OR56A3: variants seen among roughly 807,000 people sequenced by gnomAD.
OR56A3 encodes olfactory receptor family 56 subfamily A member 3.
A neutral mutation model predicts 17.5 loss-of-function variants in OR56A3; 23 were observed. That is an observed-to-expected ratio of 1.32 (90% CI 0.95 to 1.87). The LOEUF is 1.87. OR56A3 is among the 40% of genes most tolerant of loss of function. The probability of loss-of-function intolerance (pLI) is 0.00; values close to 1 mark genes in which losing one functional copy is unlikely to be tolerated. For missense variants in OR56A3, 366 were observed against 380.1 expected, an observed-to-expected ratio of 0.96 and a Z score of 0.31; for synonymous variants, 175 against 150.6, an observed-to-expected ratio of 1.16 and a Z score of -1.19.
the OR56A3 span, chr11:5,968,122 G>A: frequency 3.0e-5 from 48 of 1,614,134 alleles, no homozygotes; most frequent in Middle Eastern, 1.6e-4. Flanking sequence ...GCCACATAGC[G>A]GTCATAGGCC....
chr11:5,950,607 T>C lies in OR56A3; in HGVS notation c.*2313T>C, dbSNP rs999977783. 2.0e-5 allele frequency: 3 copies of C among 152,256 alleles called. No individual in the cohort carries two copies. The highest frequency in any genetic ancestry group is 4.1e-4 in the South Asian group (2 of 4,830). The allele number at this position is 152,256 out of a possible 1,614,324, so 9.4% of individuals were successfully genotyped here. On this transcript the variant is annotated 3_prime_UTR_variant, in exon 3 of 3. Transcript: ENST00000641160. ...TTAATTTTAAACTTTTTAGTACACA[T>C]GTTGAAAAAGTAGAAACAGACAAAA...
At chr11:5,958,445 C>T in the OR56A3 span, among the ~76,000 whole-genome samples, 4 of 152,084 alleles carry the variant, frequency 2.6e-5, no homozygotes, top group Non-Finnish European at 4.4e-5. Flanking sequence ...TGAATATCCT[C>T]TACTTTTCTG....
In OR56A3 at chr11:5,950,132, A is replaced by C. The variant is rs1847899130; in HGVS notation, c.*1838A>C. 1 of 152,220 alleles carries C rather than the reference A, an allele frequency of 6.6e-6. No homozygotes were observed. Among genetic ancestry groups the C allele is most frequent in the Non-Finnish European group, 1.5e-5 (1 of 68,014 alleles). 9.4% of individuals were successfully genotyped at this position (152,220 alleles called of 1,614,324 possible). A position where few individuals can be genotyped will look rare whatever the true frequency, so the allele number is the denominator to read the frequency against. On this transcript the variant is annotated 3_prime_UTR_variant, in exon 3 of 3. Transcript: ENST00000641160. The stretch of plus-strand genomic sequence containing the variant: ...CACCACCTCTTAGGAAATATTAAAA[A>C]TCTGAAAGTTTTAACAATATGCTAT...
the OR56A3 span, chr11:5,994,632 C>A: frequency 1.3e-6 from 1 of 778,678 alleles, no homozygotes; most frequent in East Asian, 2.5e-5. Context: ...TCGCTCTTCA[C>A]AGACTGGCAC....
the OR56A3 span, chr11:6,020,366 G>A: frequency 6.6e-6 from 1 of 152,038 alleles, no homozygotes; most frequent in African/African-American, 2.4e-5. Context: ...TAGTTTGACT[G>A]GAATAGCATT....
the OR56A3 span, among the ~76,000 whole-genome samples, chr11:5,982,218 T>G: frequency 6.6e-6 from 1 of 152,058 alleles, no homozygotes; most frequent in East Asian, 1.9e-4. Flanking sequence ...GCAATGACAG[T>G]GGTAGTTTAA....
the OR56A3 span, among the ~76,000 whole-genome samples, chr11:6,011,942 A>C: frequency 6.6e-6 from 1 of 152,190 alleles, no homozygotes; most frequent in Admixed American, 6.5e-5. Flanking sequence ...GGCTGGCACC[A>C]GGGAATGTGG....
chr11:6,003,264 G>A, the OR56A3 span: 1 of 624,828 alleles, frequency 1.6e-6, no homozygotes, highest in Non-Finnish European at 2.6e-6. Context: ...TTATCCTAAT[G>A]TTACAGGTAA....
At chr11:5,972,970 A>T in the OR56A3 span, among the ~76,000 whole-genome samples, 4 of 152,140 alleles carry the variant, frequency 2.6e-5, no homozygotes, top group Admixed American at 6.5e-5. Flanking sequence ...CATCCTCCTA[A>T]ACATTCTCTT....
the OR56A3 span, among the ~76,000 whole-genome samples, chr11:5,977,196 G>A: frequency 2.0e-5 from 3 of 152,036 alleles, no homozygotes; most frequent in South Asian, 6.2e-4. Flanking sequence ...TATCTTCATC[G>A]TAGAACTATA....
chr11:5,989,728 A>G, the OR56A3 span, among the ~76,000 whole-genome samples: 1 of 152,230 alleles, frequency 6.6e-6, no homozygotes, highest in Non-Finnish European at 1.5e-5. Context: ...CTTCATCACT[A>G]TACAATTCAT....
the OR56A3 span, among the ~76,000 whole-genome samples, chr11:6,012,445 AGCTGGTCATCCTGTTGTCT>A: frequency 6.6e-6 from 1 of 152,132 alleles, no homozygotes; most frequent in Admixed American, 6.5e-5. Flanking sequence ...GTAGCTCCTC[AGCTGGTCATCCTGTTGTCT>A]GCAGCTCTCA....
At chr11:5,986,558 A>G in the OR56A3 span, 1 of 1,613,952 alleles carries the variant, frequency 6.2e-7, no homozygotes. Flanking sequence ...ATGGAGGAGA[A>G]TGCATGGATG....
the OR56A3 span, among the ~76,000 whole-genome samples, chr11:5,957,099 G>A: frequency 2.0e-5 from 3 of 152,146 alleles, no homozygotes; most frequent in East Asian, 5.8e-4. Context: ...GCAGTGAGCT[G>A]AGATCGCACA....
chr11:5,968,023 G>A, the OR56A3 span: 3 of 1,597,600 alleles, frequency 1.9e-6, no homozygotes, highest in Middle Eastern at 3.3e-4. Flanking sequence ...GGCATAGTAA[G>A]AAGGCCATTC....
chr11:5,948,589 A>G lies in OR56A3; in HGVS notation c.*295A>G. The stretch of plus-strand genomic sequence containing the variant: ...GTGAAAAATGTATGTTTCTGAACAC[A>G]CAACTCAATATGTCATGAATTTTGT... On this transcript the variant is annotated 3_prime_UTR_variant, in exon 3 of 3. Coordinates refer to ENST00000641160, the MANE Select transcript of OR56A3 (RefSeq NM_001003443.3). 3.0e-6 allele frequency: 1 copy of G among 327,936 alleles called. No individual in the cohort carries two copies. 20.3% of individuals were successfully genotyped at this position (327,936 alleles called of 1,614,324 possible). A position where few individuals can be genotyped will look rare whatever the true frequency, so the allele number is the denominator to read the frequency against.
At chr11:5,985,712 T>C in the OR56A3 span, among the ~76,000 whole-genome samples, 1 of 152,136 alleles carries the variant, frequency 6.6e-6, no homozygotes, top group Non-Finnish European at 1.5e-5. Context: ...AGAGAAATGT[T>C]GAAATCAAGA....
the OR56A3 span, among the ~76,000 whole-genome samples, chr11:5,969,929 A>T: frequency 2.2e-5 from 2 of 90,172 alleles, no homozygotes; most frequent in Non-Finnish European, 4.4e-5. Flanking sequence ...ATATAAAGAC[A>T]GTGAGACTAG....
the OR56A3 span, among the ~76,000 whole-genome samples, chr11:5,992,454 C>A: frequency 6.6e-6 from 1 of 152,164 alleles, no homozygotes; most frequent in African/African-American, 2.4e-5. Flanking sequence ...TCTTCTTCTG[C>A]TTCATTTTGC....
Sources: gnomAD v4.1 joint callset for allele counts (sites outside exome capture counted in the v4.1 genomes callset) on GRCh38, gnomAD v4.1.1 for gene constraint, MANE v1.5 for transcripts, NCBI Gene and HGNC (gene_info 2026-07-23, HGNC 2026-07-21) for gene names.